Variants in HEPHL1 observed in about 807,000 individuals in gnomAD.
HEPHL1 encodes the protein ferroxidase HEPHL1.
Under a neutral mutation model 122.0 loss-of-function variants are expected in HEPHL1, and 123 were observed. The observed-to-expected ratio is 1.01, with a 90% CI of 0.87 to 1.17. HEPHL1 has a LOEUF of 1.17. Among genes scored for constraint, HEPHL1 ranks in the 50% most tolerant of loss-of-function variants. The pLI, the probability that HEPHL1 is intolerant of heterozygous loss-of-function variation, is 0.00. For missense variants in HEPHL1, 1,452 were observed against 1,430.5 expected, an observed-to-expected ratio of 1.01 and a Z score of -0.24; for synonymous variants, 527 against 508.9, an observed-to-expected ratio of 1.04 and a Z score of -0.48.
At chr11:94,073,616 C>G (rs1946096900) in intron 8 of HEPHL1, among the ~76,000 whole-genome samples, 177 bp downstream of exon 8, 1 of 152,154 alleles carries the variant, frequency 6.6e-6, no homozygotes, top group African/African-American at 2.4e-5. Context: ...ATACTCACCT[C>G]ACAGGGCTTT....
chr11:94,103,346 T>A (rs1946384531), intron 15 of HEPHL1, among the ~76,000 whole-genome samples: 1 of 145,540 alleles, frequency 6.9e-6, no homozygotes, highest in Non-Finnish European at 1.5e-5. Flanking sequence ...AAAATCCCAA[T>A]GTTTCAATTA....
intron 17 of HEPHL1, 57 bp from the exon 18 acceptor site, chr11:94,110,846 C>T: frequency 2.1e-6 from 3 of 1,404,754 alleles, no homozygotes. Context: ...TCTTTCTGTT[C>T]TTGCTGTTCT....
chr11:94,100,552 A>T (rs1480879423), intron 13 of HEPHL1, among the ~76,000 whole-genome samples: 2 of 152,256 alleles, frequency 1.3e-5, no homozygotes, highest in African/African-American at 2.4e-5. Flanking sequence ...ATTGAGAAAC[A>T]GAGTTAGATG....
intron 15 of HEPHL1, among the ~76,000 whole-genome samples, chr11:94,103,802 T>C (rs1420861672): frequency 2.0e-5 from 3 of 152,240 alleles, no homozygotes; most frequent in Non-Finnish European, 2.9e-5. Context: ...CTTTGAGTTA[T>C]ACTGGACAGT....
intron 14 of HEPHL1, 67 bp downstream of exon 14, chr11:94,101,402 A>G: frequency 1.3e-6 from 2 of 1,522,164 alleles, no homozygotes; most frequent in Non-Finnish European, 1.8e-6. Flanking sequence ...TTCTGGTCTC[A>G]GAGGTGTCTT....
At chr11:94,037,882 C>T (rs1191583423) in intron 1 of HEPHL1, among the ~76,000 whole-genome samples, 7 of 151,962 alleles carry the variant, frequency 4.6e-5, no homozygotes, top group African/African-American at 9.7e-5. Flanking sequence ...ATGATTTTGC[C>T]GAGCTGACAG....
intron 2 of HEPHL1, among the ~76,000 whole-genome samples, chr11:94,054,027 T>A (rs1945913865): frequency 6.6e-6 from 1 of 152,228 alleles, no homozygotes; most frequent in Non-Finnish European, 1.5e-5. Context: ...TTAGGTGTTC[T>A]ATCAGTTATT....
intron 2 of HEPHL1, among the ~76,000 whole-genome samples, chr11:94,056,292 C>G (rs1030573023): frequency 6.6e-6 from 1 of 151,828 alleles, no homozygotes; most frequent in Non-Finnish European, 1.5e-5. Flanking sequence ...TGCTTTTTTT[C>G]CCCCAGTTTG....
intron 3 of HEPHL1, 84 bp from the exon 4 acceptor site, chr11:94,064,247 C>G (rs1814060627): frequency 9.5e-7 from 1 of 1,056,218 alleles, no homozygotes; most frequent in Non-Finnish European, 1.4e-6. Flanking sequence ...CACCAAACTT[C>G]ACACTTGCCT....
chr11:94,066,862 C>A (rs773569847), intron 4 of HEPHL1, among the ~76,000 whole-genome samples: 1 of 152,108 alleles, frequency 6.6e-6, no homozygotes, highest in Non-Finnish European at 1.5e-5. Context: ...TTAAAGTATT[C>A]GGTCCTGGAT....
intron 2 of HEPHL1, among the ~76,000 whole-genome samples, chr11:94,053,704 C>G (rs982287231): frequency 2.0e-5 from 3 of 152,040 alleles, no homozygotes; most frequent in Admixed American, 1.3e-4. Context: ...GTGATTTCTT[C>G]TTTGACCTGT....
At position 94,113,285 on chromosome 11, in the gene HEPHL1, G is replaced by C. The variant is rs1946466481; in HGVS notation, c.*1391G>C. 6.6e-6 allele frequency: 1 copy of C among 152,292 alleles called. No homozygotes were observed. Among genetic ancestry groups the C allele is most frequent in the African/African-American group, 2.4e-5 (1 of 41,550 alleles). 9.4% of individuals were successfully genotyped at this position (152,292 alleles called of 1,614,324 possible). On this transcript the variant is annotated 3_prime_UTR_variant, in exon 20 of 20. Transcript: ENST00000315765. ...ATGCCAATGCTAGATGAGTGATACTGGTATGCCTGCCTTAGCAGTGGGTAA... is the reference window on the plus strand; with the variant it reads ...ATGCCAATGCTAGATGAGTGATACTCGTATGCCTGCCTTAGCAGTGGGTAA...
At chr11:94,089,020 T>C (rs1946242616) in intron 12 of HEPHL1, 52 bp downstream of exon 12, 10 of 1,501,014 alleles carry the variant, frequency 6.7e-6, no homozygotes, top group Middle Eastern at 1.8e-4. Flanking sequence ...GCATGCTCCG[T>C]AGGTCTTTAG....
intron 9 of HEPHL1, 68 bp downstream of exon 9, chr11:94,075,453 C>T (rs4753123): frequency 0.15 from 175,711 of 1,192,076 alleles, 13,178 homozygotes; most frequent in Admixed American, 0.18. Context: ...GAGCCAGAGA[C>T]GAGACAGGAA....
intron 2 of HEPHL1, among the ~76,000 whole-genome samples, chr11:94,053,448 CT>C (rs1945908750): frequency 6.6e-6 from 1 of 151,752 alleles, no homozygotes; most frequent in Admixed American, 6.6e-5. Flanking sequence ...TCTGTTTTCT[CT>C]TTCACTGATT....
intron 13 of HEPHL1, among the ~76,000 whole-genome samples, chr11:94,096,520 A>T (rs892013403): frequency 2.0e-5 from 3 of 152,194 alleles, no homozygotes; most frequent in African/African-American, 7.2e-5. Context: ...TATCAGGATG[A>T]TGCTGGCCTC....
At chr11:94,066,762 G>A (rs963785977) in intron 4 of HEPHL1, among the ~76,000 whole-genome samples, 3 of 152,186 alleles carry the variant, frequency 2.0e-5, no homozygotes, top group South Asian at 2.1e-4. Flanking sequence ...AACTCAGTTC[G>A]AACTTAAGAA....
intron 2 of HEPHL1, chr11:94,055,898 A>C: frequency 1.2e-6 from 1 of 807,380 alleles, no homozygotes; most frequent in Non-Finnish European, 2.0e-6. Context: ...AATATAAGGC[A>C]GAGCCTACCG....
Position 94,045,922 on chromosome 11 carries a change from A to G in HEPHL1, c.415+5A>G, listed in dbSNP as rs749653938. 2 of 1,613,068 alleles carry G rather than the reference A, an allele frequency of 1.2e-6. No individual in the cohort carries two copies. The highest frequency in any genetic ancestry group is 8.5e-7 in the Non-Finnish European group (1 of 1,179,440). On this transcript the variant is annotated splice_donor_5th_base_variant and intron_variant, in intron 2 of 19. Coordinates refer to ENST00000315765, the MANE Select transcript of HEPHL1 (RefSeq NM_001098672.2). The stretch of plus-strand genomic sequence containing the variant: ...TCTACAACAAAGATTCAGAAGGTAA[A>G]TATCAATCCTTTATTACTGGGGTCT...
Sources: allele counts gnomAD v4.1 joint callset (sites outside exome capture counted in the v4.1 genomes callset), GRCh38; gene constraint gnomAD v4.1.1; transcripts MANE v1.5; gene names NCBI Gene and HGNC (gene_info 2026-07-23, HGNC 2026-07-21).